WIPF1: variants seen among roughly 807,000 people sequenced by gnomAD.
WIPF1 encodes the protein WAS/WASL-interacting protein family member 1.
A neutral mutation model predicts 35.4 loss-of-function variants in WIPF1; 13 were observed. That is an observed-to-expected ratio of 0.37 (90% CI 0.24 to 0.58). The LOEUF (loss-of-function observed/expected upper bound fraction) is 0.58. Ranked by LOEUF, WIPF1 falls within the 20% of genes least tolerant of loss-of-function variation. WIPF1 has a pLI of 0.74. For synonymous variants in WIPF1, 267 were observed against 266.3 expected (o/e 1.00, Z -0.02); for missense variants, 591 against 667.0 (o/e 0.89, Z 1.25).
intron 1 of WIPF1, among the ~76,000 whole-genome samples, chr2:174,663,428 A>G (rs1687819692): frequency 6.6e-6 from 1 of 152,218 alleles, no homozygotes; most frequent in Non-Finnish European, 1.5e-5. Flanking sequence ...AAAGATTACA[A>G]TAAATGTGGG....
intron 1 of WIPF1, among the ~76,000 whole-genome samples, chr2:174,651,842 C>T (rs1207158257): frequency 6.6e-6 from 1 of 152,224 alleles, no homozygotes; most frequent in East Asian, 1.9e-4. Context: ...CAGCTATTCT[C>T]TGTTCCATAA....
At chr2:174,676,856 T>G (rs751840400) in intron 1 of WIPF1, among the ~76,000 whole-genome samples, 1 of 152,180 alleles carries the variant, frequency 6.6e-6, no homozygotes, top group Non-Finnish European at 1.5e-5. Context: ...TAATTATGTA[T>G]AAGAATTTTA....
chr2:174,662,852 C>T (rs918133276), intron 1 of WIPF1, among the ~76,000 whole-genome samples: 1 of 152,168 alleles, frequency 6.6e-6, no homozygotes, highest in Non-Finnish European at 1.5e-5. Context: ...GAAGGAATAT[C>T]CTGGGTCTAT....
chr2:174,672,684 A>C (rs1268003966), intron 1 of WIPF1, among the ~76,000 whole-genome samples: 1 of 152,156 alleles, frequency 6.6e-6, no homozygotes, highest in Non-Finnish European at 1.5e-5. Flanking sequence ...TTACGTGGAG[A>C]TGTTAATGGT....
chr2:174,586,953 A>G (rs1685445421), intron 1 of WIPF1, among the ~76,000 whole-genome samples: 1 of 152,250 alleles, frequency 6.6e-6, no homozygotes. Flanking sequence ...CATTATTTCT[A>G]CAGGACATGT....
At chr2:174,575,849 G>A (rs1411051498) in intron 3 of WIPF1, among the ~76,000 whole-genome samples, 1 of 151,950 alleles carries the variant, frequency 6.6e-6, no homozygotes, top group African/African-American at 2.4e-5. Flanking sequence ...CAGTAAAAAG[G>A]ATCTTCAAAG....
intron 1 of WIPF1, among the ~76,000 whole-genome samples, chr2:174,677,894 C>T (rs118169116): frequency 4.6e-5 from 7 of 152,212 alleles, no homozygotes; most frequent in East Asian, 1.9e-4. Flanking sequence ...GTTAAAGGTG[C>T]GATGCTTGGA....
chr2:174,640,286 G>A (rs1010800385), intron 1 of WIPF1, among the ~76,000 whole-genome samples: 1 of 142,474 alleles, frequency 7.0e-6, no homozygotes, highest in Non-Finnish European at 1.5e-5. Context: ...ACTCATAGGT[G>A]GGAATTGAAC....
chr2:174,631,550 A>G (rs1252551478), intron 1 of WIPF1, among the ~76,000 whole-genome samples: 1 of 152,218 alleles, frequency 6.6e-6, no homozygotes, highest in Non-Finnish European at 1.5e-5. Context: ...CAATATGAAT[A>G]TACTTAACGC....
upstream of WIPF1, among the ~76,000 whole-genome samples, chr2:174,599,438 G>A (rs148048681): frequency 1.5e-3 from 226 of 152,294 alleles, 4 homozygotes; most frequent in Admixed American, 0.012. Flanking sequence ...GAGTACCCAA[G>A]AATAAGTGAC....
At chr2:174,642,145 C>T (rs150744649) in intron 1 of WIPF1, among the ~76,000 whole-genome samples, 13 of 152,310 alleles carry the variant, frequency 8.5e-5, no homozygotes, top group African/African-American at 1.9e-4. Flanking sequence ...ATGCCTTTCA[C>T]TTCAACCAAA....
At chr2:174,584,778 G>A (rs917752297) in intron 2 of WIPF1, among the ~76,000 whole-genome samples, 2 of 150,714 alleles carry the variant, frequency 1.3e-5, no homozygotes, top group African/African-American at 5.0e-5. Context: ...TGGGCATGGT[G>A]GTGCTTGCCT....
At chr2:174,626,661 T>C (rs989221293) in intron 1 of WIPF1, among the ~76,000 whole-genome samples, 2 of 152,198 alleles carry the variant, frequency 1.3e-5, no homozygotes, top group Non-Finnish European at 2.9e-5. Flanking sequence ...AACTCCTCTC[T>C]TTTGCTTATT....
intron 1 of WIPF1, among the ~76,000 whole-genome samples, chr2:174,589,030 G>A (rs2105850611): frequency 6.6e-6 from 1 of 152,292 alleles, no homozygotes; most frequent in Non-Finnish European, 1.5e-5. Flanking sequence ...CAACTGCTGG[G>A]CACGGTCTGG....
At chr2:174,603,370 G>A (rs1686063974) in intron 1 of WIPF1, among the ~76,000 whole-genome samples, 1 of 152,242 alleles carries the variant, frequency 6.6e-6, no homozygotes, top group Non-Finnish European at 1.5e-5. Context: ...CTAGAAGTGA[G>A]TGTTGAATGT....
intron 5 of WIPF1, among the ~76,000 whole-genome samples, chr2:174,568,329 G>A (rs1225377384): frequency 6.6e-6 from 1 of 152,214 alleles, no homozygotes; most frequent in African/African-American, 2.4e-5. Flanking sequence ...TCAGATTGGA[G>A]ATGGCACAGT....
intron 1 of WIPF1, among the ~76,000 whole-genome samples, chr2:174,681,562 A>G (rs1048300262): frequency 1.3e-5 from 2 of 152,210 alleles, no homozygotes; most frequent in Non-Finnish European, 2.9e-5. Context: ...AAGCTACAGT[A>G]TTGTTTTGAA....
intron 4 of WIPF1, among the ~76,000 whole-genome samples, 153 bp from the exon 5 acceptor site, chr2:174,572,599 C>T (rs1684910288): frequency 6.6e-6 from 1 of 152,156 alleles, no homozygotes; most frequent in African/African-American, 2.4e-5. Flanking sequence ...TTTGTTGGTC[C>T]TTCTTGGGAG....
At chr2:174,609,474 G>T (rs960423803) in intron 1 of WIPF1, among the ~76,000 whole-genome samples, 11 of 152,180 alleles carry the variant, frequency 7.2e-5, no homozygotes, top group African/African-American at 2.7e-4. Context: ...AAGAGAGCCT[G>T]CAATGGCAGC....
Sources: gnomAD v4.1 joint callset for allele counts (sites outside exome capture counted in the v4.1 genomes callset) on GRCh38, gnomAD v4.1.1 for gene constraint, MANE v1.5 for transcripts, NCBI Gene and HGNC (gene_info 2026-07-23, HGNC 2026-07-21) for gene names.